Variants in CACNA1A observed in about 807,000 individuals in gnomAD.
CACNA1A encodes the protein voltage-dependent P/Q-type calcium channel subunit alpha-1A.
A neutral mutation model predicts 262.4 loss-of-function variants in CACNA1A; 57 were observed. The observed-to-expected ratio is 0.22, with a 90% confidence interval of 0.18 to 0.27. The LOEUF (loss-of-function observed/expected upper bound fraction) is 0.27. CACNA1A is among the 10% of genes least tolerant of loss of function. The probability of loss-of-function intolerance (pLI) is 1.00; values close to 1 mark genes in which losing one functional copy is unlikely to be tolerated. For missense variants in CACNA1A, 2,526 were observed against 3,562.8 expected (o/e 0.71, Z 7.41); for synonymous variants, 1,431 against 1,419.3 (o/e 1.01, Z -0.18).
chr19:13,445,397 ACTAT>A (rs1339759486), intron 3 of CACNA1A, among the ~76,000 whole-genome samples: 1 of 152,200 alleles, frequency 6.6e-6, no homozygotes, highest in Non-Finnish European at 1.5e-5. Context: ...AGACTTCTGG[ACTAT>A]CTGACTATTT....
At chr19:13,423,249 A>C (rs1472745474) in intron 3 of CACNA1A, among the ~76,000 whole-genome samples, 1 of 152,208 alleles carries the variant, frequency 6.6e-6, no homozygotes, top group Non-Finnish European at 1.5e-5. Flanking sequence ...CAGAGTCTAG[A>C]GGGCAAGGCA....
chr19:13,230,436 TGA>T (rs1187900600), intron 35 of CACNA1A, among the ~76,000 whole-genome samples: 1 of 150,852 alleles, frequency 6.6e-6, no homozygotes, highest in African/African-American at 2.4e-5. Context: ...GGAGGTCCAG[TGA>T]GAGAGAGATC....
chr19:13,260,771 C>G (rs2056715811), intron 26 of CACNA1A: 1 of 152,164 alleles, frequency 6.6e-6, no homozygotes, highest in African/African-American at 2.4e-5. Context: ...GCCTCAGCCT[C>G]CCGGGTAGCT....
intron 31 of CACNA1A, 100 bp from the exon 32 acceptor site, chr19:13,235,830 A>T (rs2055854956): frequency 1.3e-5 from 10 of 744,744 alleles, no homozygotes; most frequent in Non-Finnish European, 2.3e-5. Context: ...ACCAACAGGA[A>T]AAAAGCAAGC....
intron 3 of CACNA1A, among the ~76,000 whole-genome samples, chr19:13,439,350 C>T (rs142201969): frequency 2.8e-5 from 4 of 143,420 alleles, no homozygotes; most frequent in Admixed American, 7.1e-5. Context: ...CCTCGTGATT[C>T]GTTGCCCTCA....
At chr19:13,342,643 G>C (rs1168784350) in intron 6 of CACNA1A, among the ~76,000 whole-genome samples, 1 of 152,184 alleles carries the variant, frequency 6.6e-6, no homozygotes, top group African/African-American at 2.4e-5. Context: ...TGAGGAGTGA[G>C]TGGAAATAGC....
At chr19:13,430,417 G>C (rs4926158) in intron 3 of CACNA1A, among the ~76,000 whole-genome samples, 9,401 of 152,104 alleles carry the variant, frequency 0.062, 442 homozygotes, top group East Asian at 0.18. Flanking sequence ...ATGTTGGCCA[G>C]GCTGGTCTCA....
At chr19:13,210,003 C>T (rs566383338) in intron 44 of CACNA1A, among the ~76,000 whole-genome samples, 27 of 151,870 alleles carry the variant, frequency 1.8e-4, no homozygotes, top group African/African-American at 5.8e-4. Context: ...TGGGTCCTCC[C>T]GGCTAACGGG....
At chr19:13,394,412 T>C (rs1023470482) in intron 3 of CACNA1A, among the ~76,000 whole-genome samples, 11 of 152,208 alleles carry the variant, frequency 7.2e-5, no homozygotes, top group Admixed American at 2.0e-4. Flanking sequence ...TACAATTGCC[T>C]GCTAACTTCA....
chr19:13,285,526 G>A (rs1453758301), intron 20 of CACNA1A, among the ~76,000 whole-genome samples: 4 of 152,044 alleles, frequency 2.6e-5, no homozygotes, highest in Non-Finnish European at 5.9e-5. Flanking sequence ...CCACTCTATA[G>A]CCTTGAGTGC....
At chr19:13,370,543 A>T (rs546217889) in intron 4 of CACNA1A, among the ~76,000 whole-genome samples, 118 of 151,148 alleles carry the variant, frequency 7.8e-4, no homozygotes, top group African/African-American at 2.7e-3. Flanking sequence ...CTCCTGCCTC[A>T]GCCTTTTAAG....
intron 1 of CACNA1A, among the ~76,000 whole-genome samples, chr19:13,494,939 C>T (rs771434428): frequency 5.3e-5 from 8 of 152,196 alleles, no homozygotes; most frequent in Non-Finnish European, 1.2e-4. Flanking sequence ...CAGAGAAAAA[C>T]CATATCAATC....
chr19:13,280,683 G>A (rs1487131715), intron 22 of CACNA1A, among the ~76,000 whole-genome samples: 2 of 151,934 alleles, frequency 1.3e-5, no homozygotes, highest in South Asian at 2.1e-4. Flanking sequence ...GCTCACGCCT[G>A]TAATCCCAGC....
At position 13,253,116 on chromosome 19, in the gene CACNA1A, C is replaced by T. The variant is rs752368022; in HGVS notation, c.4756-15G>A. 5 of 1,534,254 alleles carry T rather than the reference C, an allele frequency of 3.3e-6. No homozygotes were observed. The highest frequency in any genetic ancestry group is 4.5e-6 in the Non-Finnish European group (5 of 1,107,982). On this transcript the variant is annotated splice_polypyrimidine_tract_variant and intron_variant, in intron 29 of 46. Transcript: ENST00000360228. ...GCCCCATAGAACTAGGGGAAAGAAG[C>T]AGGAGTAGCAGGGGTCAGCGAGCAG...
chr19:13,496,040 TCAAC>T (rs1264666320), intron 1 of CACNA1A, among the ~76,000 whole-genome samples: 2 of 123,282 alleles, frequency 1.6e-5, no homozygotes, highest in Non-Finnish European at 3.5e-5. Context: ...ATGCATCTGT[TCAAC>T]CATCCATCCA....
intron 38 of CACNA1A, among the ~76,000 whole-genome samples, chr19:13,216,282 G>A (rs569743012): frequency 6.6e-6 from 1 of 152,258 alleles, no homozygotes; most frequent in East Asian, 1.9e-4. Context: ...CCTTGCTAAT[G>A]GGGTGTGCAC....
rs868267349 is a variant in CACNA1A at position 13,427,959 on chromosome 19, G to T, written c.539+24917C>A. On this transcript the variant is annotated intron_variant, in intron 3 of 46. Coordinates refer to ENST00000360228, the MANE Select transcript of CACNA1A (RefSeq NM_001127222.2). ...AATAACAGGTTGTTTTTTTTTGTGT[G>T]TGTGACAGAGTTTCACTCTTGGAGT... Among the ~76,000 whole-genome samples the T allele has an allele frequency of 5.9e-3, 880 of 149,918 alleles. 11 individuals carry two copies. The highest frequency in any genetic ancestry group is 0.021 in the African/African-American group (830 of 39,886).
At chr19:13,395,475 G>A (rs2144670926) in intron 3 of CACNA1A, among the ~76,000 whole-genome samples, 1 of 151,420 alleles carries the variant, frequency 6.6e-6, no homozygotes, top group South Asian at 2.1e-4. Context: ...AGCTGGGCAT[G>A]GTGGTGCTTA....
intron 3 of CACNA1A, among the ~76,000 whole-genome samples, chr19:13,426,376 T>G (rs1406290612): frequency 6.6e-6 from 1 of 152,130 alleles, no homozygotes; most frequent in Admixed American, 6.6e-5. Flanking sequence ...ACATTTCGTT[T>G]GGCAATGTCT....
Sources: allele counts gnomAD v4.1 joint callset (sites outside exome capture counted in the v4.1 genomes callset), GRCh38; gene constraint gnomAD v4.1.1; transcripts MANE v1.5; gene names NCBI Gene and HGNC (gene_info 2026-07-23, HGNC 2026-07-21).